The following TARS1 variants were observed in gnomAD, a reference collection of about 807,000 sequenced individuals.
TARS1 encodes threonine--tRNA ligase 1, cytoplasmic.
Under a neutral mutation model 97.7 loss-of-function variants are expected in TARS1, and 57 were observed. That is an observed-to-expected ratio of 0.58 (90% CI 0.47 to 0.73). The LOEUF (loss-of-function observed/expected upper bound fraction) is 0.73. TARS1 is among the 30% of genes least tolerant of loss of function. The pLI is 0.00. For synonymous variants in TARS1, 312 were observed against 293.7 expected (o/e 1.06, Z -0.64); for missense variants, 806 against 888.3 (o/e 0.91, Z 1.18).
Position 33,467,643 on chromosome 5 carries a change from G to C in TARS1, c.2107G>C (p.Glu703Gln), listed in dbSNP as rs1179855097. ...NKVHGERTIS[E>Q]TIERLQQLKE... is the part of the protein sequence containing the mutation. ...GGTCCACGGGGAACGCACCATTTCT[G>C]AAACTATCGAGCGGCTACAGCAGCT... Residue 703 changes from glutamate (E) to glutamine (Q), a missense_variant, in exon 19 of 19, where the codon GAA becomes CAA. By Grantham distance (29) the Glu-to-Gln change is conservative. Coordinates refer to ENST00000265112, the MANE Select transcript of TARS1 (RefSeq NM_152295.5). The C allele has an allele frequency of 6.2e-7, 1 of 1,613,908 alleles. No individual in the cohort carries two copies. Among genetic ancestry groups the C allele is most frequent in the African/African-American group, 1.3e-5 (1 of 74,912 alleles).
At chr5:33,443,475 C>CTTT (rs199902596) in intron 1 of TARS1, among the ~76,000 whole-genome samples, 68 of 130,232 alleles carry the variant, frequency 5.2e-4, no homozygotes, top group African/African-American at 8.6e-4. Flanking sequence ...ATTTTTCTTT[C>CTTT]TTTTTTTTTT....
chr5:33,456,197 G>C lies in TARS1; in HGVS notation c.807G>C (p.Thr269=). Residue 269 remains threonine (T), a synonymous_variant, in exon 8 of 19, where the codon ACG becomes ACC. Coordinates refer to ENST00000265112, the MANE Select transcript of TARS1 (RefSeq NM_152295.5). ...DLCRGPHVRH[T]GKIKALKIHK... ...GCCGGGGTCCTCATGTTAGACACAC[G>C]GGCAAAATTAAGGCTTTAAAAATAC... The C allele has an allele frequency of 6.2e-7, 1 of 1,613,728 alleles. No individual in the cohort carries two copies. The highest frequency in any genetic ancestry group is 8.5e-7 in the Non-Finnish European group (1 of 1,179,872).
At position 33,459,813 on chromosome 5, in the gene TARS1, T is replaced by A. The variant is rs766335205; in HGVS notation, c.1202T>A (p.Val401Glu). 4 of 1,613,990 alleles carry A rather than the reference T, an allele frequency of 2.5e-6. No homozygotes were observed. In the African/African-American group the frequency reaches 5.3e-5, roughly 22 times the overall value. Reference sequence around the variant, plus strand: ...AGCGAGAACATGTTCTCCTTTGAGGTGGAGAAGGAGCTGTTTGCCCTGAAA... The same window carrying A: ...AGCGAGAACATGTTCTCCTTTGAGGAGGAGAAGGAGCTGTTTGCCCTGAAA... ...HYSENMFSFE[V>E]EKELFALKPM... is the part of the protein sequence containing the mutation. Residue 401 changes from valine (V) to glutamate (E), a missense_variant, in exon 11 of 19, where the codon GTG (valine) becomes GAG (glutamate). Coordinates refer to ENST00000265112, the MANE Select transcript of TARS1 (RefSeq NM_152295.5).
chr5:33,453,356 C>G lies in TARS1; in HGVS notation c.397C>G (p.Leu133Val). ...NNVVWDLDRP[L>V]EEDCTLELLK... ...TGTTGTGTGGGACCTGGACCGCCCT[C>G]TGGAAGAAGATTGTACCTTGGAGCT... Residue 133 changes from leucine to valine, a missense_variant, in exon 4 of 19, where the codon CTG becomes GTG. Coordinates refer to ENST00000265112, the MANE Select transcript of TARS1 (RefSeq NM_152295.5). 1 of 1,611,130 alleles carries G rather than the reference C, an allele frequency of 6.2e-7. No individual in the cohort carries two copies. The highest frequency in any genetic ancestry group is 8.5e-7 in the Non-Finnish European group (1 of 1,179,502).
At chr5:33,459,622 C>CT in intron 10 of TARS1, 73 bp from the exon 11 acceptor site, 1 of 1,546,984 alleles carries the variant, frequency 6.5e-7, no homozygotes, top group East Asian at 2.3e-5. Flanking sequence ...TAAAATCACT[C>CT]TTTAAGTTTT....
chr5:33,461,678 C>T lies in TARS1; in HGVS notation c.1563C>T (p.Asn521=), dbSNP rs780345814. The stretch of plus-strand genomic sequence containing the variant: ...TGCTTTATCCTCAGCAACTTGAAAA[C>T]AGTCTGAATGAATTTGGTGAAAAGT... ...VWDQAEKQLE[N]SLNEFGEKWE... Residue 521 remains asparagine, a synonymous_variant, in exon 14 of 19, where the codon AAC becomes AAT. Transcript: ENST00000265112. The T allele has an allele frequency of 6.2e-7, 1 of 1,613,608 alleles. No homozygotes were observed. Among genetic ancestry groups the T allele is most frequent in the South Asian group, 1.1e-5 (1 of 90,976 alleles).
At chr5:33,462,956 A>T (rs1742363124) in intron 16 of TARS1, among the ~76,000 whole-genome samples, 1 of 152,338 alleles carries the variant, frequency 6.6e-6, no homozygotes, top group East Asian at 1.9e-4. Flanking sequence ...CTGATCAATG[A>T]TACAAGATAA....
rs2111960307 is a variant in TARS1 at position 33,453,329 on chromosome 5, A to C, written c.370A>C (p.Asn124His). ...ADNTVIAKVN[N>H]VVWDLDRPLE... ...CAACACCGTTATTGCTAAAGTAAAT[A>C]ATGTTGTGTGGGACCTGGACCGCCC... Residue 124 changes from asparagine to histidine, a missense_variant, in exon 4 of 19, where the codon AAT (asparagine) becomes CAT (histidine). By Grantham distance (68) the Asn-to-His change is moderately conservative. Around this residue, in one of 3 missense-constraint regions of TARS1, gnomAD observed 356 missense variants for 357.8 expected, o/e 0.99. Transcript: ENST00000265112. The C allele has an allele frequency of 6.2e-7, 1 of 1,609,448 alleles. No individual in the cohort carries two copies. Among genetic ancestry groups the C allele is most frequent in the South Asian group, 1.1e-5 (1 of 90,682 alleles).
At chr5:33,459,308 T>A (rs936355996) in intron 10 of TARS1, among the ~76,000 whole-genome samples, 2 of 151,996 alleles carry the variant, frequency 1.3e-5, no homozygotes, top group Non-Finnish European at 2.9e-5. Flanking sequence ...ATTTATGTAT[T>A]TGTGTGTTAC....
At chr5:33,466,661 A>G in intron 17 of TARS1, 2 of 376,672 alleles carry the variant, frequency 5.3e-6, no homozygotes, top group Non-Finnish European at 9.7e-6. Context: ...TGTTTACTTA[A>G]TACACATGAC....
chr5:33,441,656 G>A (rs1741108223), intron 1 of TARS1: 1 of 157,086 alleles, frequency 6.4e-6, no homozygotes, highest in South Asian at 1.8e-4. Flanking sequence ...ACTGATCTGG[G>A]CGGTGCATGT....
chr5:33,458,468 T>C (rs1213299561), intron 9 of TARS1, 98 bp from the exon 10 acceptor site: 2 of 934,668 alleles, frequency 2.1e-6, no homozygotes, highest in African/African-American at 1.7e-5. Flanking sequence ...TGGGACATCA[T>C]GACCATATTC....
chr5:33,453,256 G>A (rs776856951), intron 3 of TARS1, 33 bp from the exon 4 acceptor site: 1 of 1,512,410 alleles, frequency 6.6e-7, no homozygotes. Flanking sequence ...ACTTATATAT[G>A]TGTGGACTTT....
At chr5:33,467,527 T>A in intron 18 of TARS1, 33 bp from the exon 19 acceptor site, 1 of 1,600,188 alleles carries the variant, frequency 6.2e-7, no homozygotes, top group Non-Finnish European at 8.5e-7. Flanking sequence ...ATCTTTAGAT[T>A]AAGTCTGACA....
chr5:33,464,636 TTGAG>T (rs1742446902), intron 17 of TARS1, among the ~76,000 whole-genome samples: 1 of 152,206 alleles, frequency 6.6e-6, no homozygotes, highest in South Asian at 2.1e-4. Flanking sequence ...ATAAATGAAC[TTGAG>T]CATGGAGATG....
In TARS1 at chr5:33,467,851, A is replaced by G. The variant is rs908317246; in HGVS notation, c.*143A>G. 9 of 774,014 alleles carry G rather than the reference A, an allele frequency of 1.2e-5. No individual in the cohort carries two copies. The highest frequency in any genetic ancestry group is 8.9e-5 in the African/African-American group (5 of 56,086). 47.9% of individuals were successfully genotyped at this position (774,014 alleles called of 1,614,324 possible). The stretch of plus-strand genomic sequence containing the variant: ...AATAGGTCAACCTGCAGGCGTAACT[A>G]TTTTTGACCTAGTCAGTTTTTAAAC... On this transcript the variant is annotated 3_prime_UTR_variant, in exon 19 of 19. Coordinates refer to ENST00000265112, the MANE Select transcript of TARS1 (RefSeq NM_152295.5).
At chr5:33,466,453 C>T (rs1221519549) in intron 17 of TARS1, among the ~76,000 whole-genome samples, 3 of 151,344 alleles carry the variant, frequency 2.0e-5, no homozygotes, top group Non-Finnish European at 4.4e-5. Flanking sequence ...TCATTTCTTT[C>T]AGGTGTTGAT....
Position 33,455,554 on chromosome 5 carries a change from G to A in TARS1, c.576-33G>A, listed in dbSNP as rs566984147. On this transcript the variant is annotated intron_variant, in intron 5 of 18. Coordinates refer to ENST00000265112, the MANE Select transcript of TARS1 (RefSeq NM_152295.5). ...TTCGAAGCCATGGTGTGATTCGAATGGAATGAAAAGATTATACTTTCTTCT... is the reference window on the plus strand; with the variant it reads ...TTCGAAGCCATGGTGTGATTCGAATAGAATGAAAAGATTATACTTTCTTCT... 1.8e-4 allele frequency: 249 copies of A among 1,400,710 alleles called. 3 individuals are homozygous for A. The South Asian group carries it at 2.9e-3, about 16-fold the overall frequency. The allele number at this position is 1,400,710 out of a possible 1,614,324, so 86.8% of individuals were successfully genotyped here. A position where few individuals can be genotyped will look rare whatever the true frequency, so the allele number is the denominator to read the frequency against.
intron 3 of TARS1, chr5:33,452,230 G>C: frequency 1.3e-6 from 1 of 796,700 alleles, no homozygotes; most frequent in Non-Finnish European, 2.1e-6. Flanking sequence ...TTTCTTCACA[G>C]TGTAGAATGT....
Sources: allele counts gnomAD v4.1 joint callset (sites outside exome capture counted in the v4.1 genomes callset), GRCh38; gene constraint gnomAD v4.1.1; regional missense constraint gnomAD v4.1.1; transcripts MANE v1.5; gene names NCBI Gene and HGNC (gene_info 2026-07-23, HGNC 2026-07-21).